DNAJC10: variants seen among roughly 807,000 people sequenced by gnomAD.
DNAJC10 encodes DnaJ heat shock protein family (Hsp40) member C10, also known as endoplasmic reticulum disulfide reductase DNAJC10.
Under a neutral mutation model 115.0 loss-of-function variants are expected in DNAJC10, and 101 were observed. The ratio of observed to expected loss-of-function variants is 0.88; its 90% CI spans 0.75 to 1.04. The LOEUF is 1.04. DNAJC10 is among the 50% of genes least tolerant of loss of function. The probability of loss-of-function intolerance (pLI) is 0.00; values close to 1 mark genes in which losing one functional copy is unlikely to be tolerated. For missense variants in DNAJC10, 981 were observed against 928.8 expected (o/e 1.06, Z -0.73); for synonymous variants, 307 against 301.5 (o/e 1.02, Z -0.19).
rs751274336 is a variant in DNAJC10, at chr2:182,718,188, G to T, written c.102G>T (p.Gln34His). 32 of 1,613,444 alleles carry T rather than the reference G, an allele frequency of 2.0e-5. No individual in the cohort carries two copies. The highest frequency in any genetic ancestry group is 2.7e-5 in the Non-Finnish European group (32 of 1,179,832). The change falls in exon 3 of 24, where the codon CAG becomes CAT. Residue 34 changes from glutamine to histidine, a missense_variant. Transcript: ENST00000264065. ...VYMAILVGTD[Q>H]DFYSLLGVSK... ...TGGCCATTTTAGTGGGCACAGATCA[G>T]GATTTTTACAGTTTACTTGGAGTGT... is the stretch of plus-strand genomic sequence containing the variant.
chr2:182,792,159 A>T lies in DNAJC10; in HGVS notation c.*15027A>T, dbSNP rs1256782299. 1 of 152,194 alleles carries T rather than the reference A, an allele frequency of 6.6e-6. No individual in the cohort carries two copies. Among genetic ancestry groups the T allele is most frequent in the Non-Finnish European group, 1.5e-5 (1 of 68,018 alleles). The allele number at this position is 152,194 out of a possible 1,614,324, so 9.4% of individuals were successfully genotyped here. On this transcript the variant is annotated 3_prime_UTR_variant, in exon 24 of 24. Transcript: ENST00000264065. ...AAAGAAAAAAGAGATGCTCAAGTCAATTTATAAGTAATCCTCACAAATGCT... is the reference window on the plus strand; with the variant it reads ...AAAGAAAAAAGAGATGCTCAAGTCATTTTATAAGTAATCCTCACAAATGCT...
chr2:182,749,357 A>G (rs1177637449), intron 14 of DNAJC10, among the ~76,000 whole-genome samples: 2 of 145,522 alleles, frequency 1.4e-5, no homozygotes, highest in African/African-American at 2.6e-5. Flanking sequence ...GGGTGCATAT[A>G]TATTTAGGAT....
chr2:182,755,054 C>G lies in DNAJC10; in HGVS notation c.1603C>G (p.His535Asp), dbSNP rs775488698. 6.2e-7 allele frequency: 1 copy of G among 1,610,374 alleles called. No individual in the cohort carries two copies. Among genetic ancestry groups the G allele is most frequent in the South Asian group, 1.1e-5 (1 of 90,988 alleles). Residue 535 changes from histidine to aspartate, a missense_variant, in exon 17 of 24, where the codon CAT (histidine) becomes GAT (aspartate). By Grantham distance (81) the His-to-Asp change is moderately conservative. Transcript: ENST00000264065. ...AGTGGTATTCAACCAGTCCAACATT[C>G]ATGAGTATGAAGGACATCACTCTGC... is the stretch of plus-strand genomic sequence containing the variant. The part of the protein sequence containing the change: ...TTVVFNQSNI[H>D]EYEGHHSAEQ...
rs751557714 is a variant in DNAJC10, at chr2:182,736,402, A to T, written c.987+16A>T. The T allele has an allele frequency of 6.5e-7, 1 of 1,532,986 alleles. No homozygotes were observed. The highest frequency in any genetic ancestry group is 1.3e-5 in the South Asian group (1 of 79,098). 95.0% of individuals were successfully genotyped at this position (1,532,986 alleles called of 1,614,324 possible). A position where few individuals can be genotyped will look rare whatever the true frequency, so the allele number is the denominator to read the frequency against. On this transcript the variant is annotated intron_variant, in intron 11 of 23. Transcript: ENST00000264065. ...CAGTATTTTGGTATGAATCACTTTA[A>T]ACTAATTTATTTACATATAATGTGC...
chr2:182,727,349 TTATATAAAAATAAC>T (rs1457526813), intron 5 of DNAJC10, among the ~76,000 whole-genome samples: 1 of 152,250 alleles, frequency 6.6e-6, no homozygotes, highest in Non-Finnish European at 1.5e-5. Context: ...CTTTCTATTT[TTATATAAAAATAAC>T]TACCTCATTA....
intron 14 of DNAJC10, among the ~76,000 whole-genome samples, chr2:182,745,463 T>C (rs909289011): frequency 1.3e-5 from 2 of 152,240 alleles, no homozygotes; most frequent in African/African-American, 4.8e-5. Flanking sequence ...AGCAGCTTCT[T>C]CCCTGGAAAA....
At chr2:182,773,791 G>A (rs1374448980) in intron 22 of DNAJC10, among the ~76,000 whole-genome samples, 1 of 152,166 alleles carries the variant, frequency 6.6e-6, no homozygotes, top group Non-Finnish European at 1.5e-5. Context: ...CTTTAGCTCA[G>A]AGAAGTTTGT....
chr2:182,739,178 AT>A (rs1453276085), intron 11 of DNAJC10, among the ~76,000 whole-genome samples: 4 of 147,130 alleles, frequency 2.7e-5, no homozygotes, highest in Admixed American at 2.0e-4. Context: ...ATATATATAT[AT>A]AGTATATATC....
At chr2:182,726,955 C>T (rs754398027) in intron 5 of DNAJC10, among the ~76,000 whole-genome samples, 1 of 152,060 alleles carries the variant, frequency 6.6e-6, no homozygotes, top group Non-Finnish European at 1.5e-5. Flanking sequence ...CTCCTGGGCT[C>T]AAGTGATCCT....
chr2:182,729,967 G>C (rs1459301465), intron 8 of DNAJC10, 26 bp downstream of exon 8: 1 of 1,446,474 alleles, frequency 6.9e-7, no homozygotes, highest in East Asian at 2.3e-5. Context: ...TAATTTGCTT[G>C]ATTTTCAGGG....
chr2:182,718,317 AT>A, intron 3 of DNAJC10, 27 bp downstream of exon 3: 1 of 1,519,154 alleles, frequency 6.6e-7, no homozygotes, highest in Non-Finnish European at 8.9e-7. Context: ...TTTTAAAAAT[AT>A]TTGATTATAT....
At chr2:182,721,788 C>T (rs771621615) in intron 4 of DNAJC10, among the ~76,000 whole-genome samples, 17 of 152,024 alleles carry the variant, frequency 1.1e-4, no homozygotes, top group Non-Finnish European at 2.1e-4. Context: ...ATATTACGAA[C>T]TACCGCATAC....
At chr2:182,737,249 T>C (rs1352717525) in intron 11 of DNAJC10, among the ~76,000 whole-genome samples, 1 of 152,170 alleles carries the variant, frequency 6.6e-6, no homozygotes, top group Non-Finnish European at 1.5e-5. Flanking sequence ...TAGTGGGATA[T>C]TGGATGGGTC....
At chr2:182,741,117 G>A (rs1397547677) in intron 12 of DNAJC10, 126 bp from the exon 13 acceptor site, 16 of 631,728 alleles carry the variant, frequency 2.5e-5, no homozygotes, top group Non-Finnish European at 4.1e-5. Context: ...GAGTGGGTCC[G>A]AATTTTAGAC....
chr2:182,718,159 T>C lies in DNAJC10; in HGVS notation c.73T>C (p.Tyr25His), dbSNP rs1693044618. Residue 25 changes from tyrosine (Y) to histidine (H), a missense_variant, in exon 3 of 24, where the codon TAT becomes CAT. Physicochemically the swap from Tyr to His is moderately conservative, Grantham distance 83 (BLOSUM62 2). Transcript: ENST00000264065. ...KRIILCFLIVYMAILVGTDQD... is the reference protein window; with the variant it reads ...KRIILCFLIVHMAILVGTDQD... Reference sequence around the variant, plus strand: ...GATCATTCTCTGTTTTCTGATAGTGTATATGGCCATTTTAGTGGGCACAGA... The same window carrying C: ...GATCATTCTCTGTTTTCTGATAGTGCATATGGCCATTTTAGTGGGCACAGA... The C allele has an allele frequency of 6.2e-7, 1 of 1,613,526 alleles. No individual in the cohort carries two copies. The highest frequency in any genetic ancestry group is 1.3e-5 in the African/African-American group (1 of 74,904).
In DNAJC10 at chr2:182,756,345, C is replaced by T. The variant is rs138065612; in HGVS notation, c.1685C>T (p.Thr562Ile). Residue 562 changes from threonine (T) to isoleucine (I), a missense_variant, in exon 18 of 24, where the codon ACA (threonine) becomes ATA (isoleucine). Physicochemically the swap from Thr to Ile is moderately conservative, Grantham distance 89. Coordinates refer to ENST00000264065, the MANE Select transcript of DNAJC10 (RefSeq NM_018981.4). ...ATGAATCCTTCAGTGGTCTCCCTTA[C>T]ACCCACCACCTTCAACGAACTAGTT... ...DLMNPSVVSL[T>I]PTTFNELVTQ... The T allele has an allele frequency of 4.0e-4, 638 of 1,613,636 alleles. No individual in the cohort carries two copies. Among genetic ancestry groups the T allele is most frequent in the Non-Finnish European group, 5.2e-4 (611 of 1,179,708 alleles).
At chr2:182,743,275 T>C (rs1321485748) in intron 13 of DNAJC10, among the ~76,000 whole-genome samples, 1 of 152,258 alleles carries the variant, frequency 6.6e-6, no homozygotes, top group Non-Finnish European at 1.5e-5. Flanking sequence ...TCATTATTTC[T>C]GCTTCTGAAA....
intron 22 of DNAJC10, among the ~76,000 whole-genome samples, chr2:182,774,395 G>C (rs780540069): frequency 2.0e-5 from 3 of 152,196 alleles, no homozygotes; most frequent in Non-Finnish European, 4.4e-5. Flanking sequence ...TGTCAGACAG[G>C]AACGTTTAAG....
intron 22 of DNAJC10, among the ~76,000 whole-genome samples, chr2:182,771,481 A>G (rs531460667): frequency 6.6e-6 from 1 of 152,254 alleles, no homozygotes; most frequent in South Asian, 2.1e-4. Flanking sequence ...TTGATAGGCT[A>G]TTAATTATTG....
Sources: allele counts gnomAD v4.1 joint callset (sites outside exome capture counted in the v4.1 genomes callset), GRCh38; gene constraint gnomAD v4.1.1; transcripts MANE v1.5; gene names NCBI Gene and HGNC (gene_info 2026-07-23, HGNC 2026-07-21).